KIFC3: variants seen among roughly 807,000 people sequenced by gnomAD.
KIFC3 encodes kinesin family member C3.
Under a neutral mutation model 101.8 loss-of-function variants are expected in KIFC3, and 60 were observed. The ratio of observed to expected loss-of-function variants is 0.59; its 90% CI spans 0.48 to 0.73. The LOEUF (loss-of-function observed/expected upper bound fraction) is 0.73. Ranked by LOEUF, KIFC3 falls within the 30% of genes least tolerant of loss-of-function variation. The pLI, the probability that KIFC3 is intolerant of heterozygous loss-of-function variation, is 0.00. For missense variants in KIFC3, 966 were observed against 1,137.1 expected, an observed-to-expected ratio of 0.85 and a Z score of 2.16; for synonymous variants, 476 against 482.7, an observed-to-expected ratio of 0.99 and a Z score of 0.18.
At chr16:57,773,305 C>T (rs981612109) in intron 3 of KIFC3, among the ~76,000 whole-genome samples, 10 of 152,190 alleles carry the variant, frequency 6.6e-5, no homozygotes, top group Admixed American at 2.0e-4. Context: ...TTACAGGGGA[C>T]AGCCAGGTAA....
intron 9 of KIFC3, among the ~76,000 whole-genome samples, chr16:57,768,043 G>A (rs1454923066): frequency 1.3e-5 from 2 of 152,130 alleles, no homozygotes; most frequent in Admixed American, 6.5e-5. Flanking sequence ...TGCTGGGTAG[G>A]GGCTGGGTGC....
At chr16:57,788,012 G>T (rs59705261) in intron 3 of KIFC3, among the ~76,000 whole-genome samples, 5 of 152,208 alleles carry the variant, frequency 3.3e-5, no homozygotes, top group African/African-American at 1.2e-4. Context: ...AGGGACCCCC[G>T]GCATGGACCC....
intron 1 of KIFC3, among the ~76,000 whole-genome samples, chr16:57,850,143 T>C (rs1338287213): frequency 6.6e-6 from 1 of 152,016 alleles, no homozygotes; most frequent in African/African-American, 2.4e-5. Context: ...CTCATGCCTA[T>C]AATCTTAACA....
intron 3 of KIFC3, among the ~76,000 whole-genome samples, chr16:57,790,054 T>TTTTCTTTCTTTCTTTC (rs1238116970): frequency 1.7e-5 from 2 of 119,034 alleles, no homozygotes; most frequent in African/African-American, 5.9e-5. Context: ...TTTGCTTTCT[T>TTTTCTTTCTTTCTTTC]TTTCTTTCTT....
intron 3 of KIFC3, chr16:57,776,577 G>T: frequency 4.5e-6 from 1 of 222,430 alleles, no homozygotes; most frequent in Non-Finnish European, 7.6e-6. Context: ...AAGCTGTCTC[G>T]AGGATTAAAC....
chr16:57,797,750 T>G (rs1453428907), intron 2 of KIFC3: 2 of 1,258,226 alleles, frequency 1.6e-6, no homozygotes, highest in East Asian at 4.4e-5. Context: ...CCACACGCTC[T>G]TGGCCAAGGA....
intron 1 of KIFC3, among the ~76,000 whole-genome samples, chr16:57,823,446 G>A (rs1555630195): frequency 6.6e-6 from 1 of 152,166 alleles, no homozygotes; most frequent in East Asian, 1.9e-4. Context: ...TCATGGGCAT[G>A]TCCTTAACCT....
chr16:57,800,256 A>G (rs1555625052), intron 1 of KIFC3, among the ~76,000 whole-genome samples: 1 of 152,192 alleles, frequency 6.6e-6, no homozygotes, highest in East Asian at 1.9e-4. Context: ...CTTGACTTAG[A>G]ACAACTAGGA....
Position 57,802,314 on chromosome 16 carries a change from G to T in KIFC3, c.-40+56C>A. 1.1e-6 allele frequency: 1 copy of T among 895,134 alleles called. No individual in the cohort carries two copies. The highest frequency in any genetic ancestry group is 1.3e-6 in the Non-Finnish European group (1 of 748,032). 55.4% of individuals were successfully genotyped at this position (895,134 alleles called of 1,614,324 possible). A position where few individuals can be genotyped will look rare whatever the true frequency, so the allele number is the denominator to read the frequency against. On this transcript the variant is annotated intron_variant, in intron 1 of 19. Coordinates refer to ENST00000445690, the MANE Select transcript of KIFC3 (RefSeq NM_001130100.2). The surrounding 1 kb of genome is among the most constrained non-coding windows in gnomAD (Gnocchi z 5.0). ...CCGGACGCGGCGCCCCAAACGGCGG[G>T]CCGGGCAGAGCCCAGCGCCCCGCTC...
intron 12 of KIFC3, among the ~76,000 whole-genome samples, chr16:57,763,203 G>A (rs964660068): frequency 6.6e-6 from 1 of 152,166 alleles, no homozygotes; most frequent in African/African-American, 2.4e-5. Context: ...TGCCTGGCAC[G>A]ATGCCTGATA....
chr16:57,773,170 C>T (rs963762731), intron 3 of KIFC3, among the ~76,000 whole-genome samples: 8 of 152,226 alleles, frequency 5.3e-5, no homozygotes, highest in Non-Finnish European at 1.2e-4. Context: ...TCTTGCAGAA[C>T]GTCCTGTGGT....
chr16:57,859,135 T>C (rs559455680), intron 1 of KIFC3, among the ~76,000 whole-genome samples: 1 of 152,348 alleles, frequency 6.6e-6, no homozygotes, highest in African/African-American at 2.4e-5. Flanking sequence ...CATAGGACCA[T>C]ATCCACCTCT....
intron 1 of KIFC3, among the ~76,000 whole-genome samples, chr16:57,817,402 G>C (rs532616161): frequency 1.3e-5 from 2 of 151,904 alleles, no homozygotes. Flanking sequence ...AAAGAAAAAG[G>C]ACTGTATTCT....
intron 1 of KIFC3, 182 bp from the exon 2 acceptor site, chr16:57,798,464 C>T (rs193149643): frequency 3.6e-5 from 22 of 618,710 alleles, no homozygotes; most frequent in East Asian, 2.3e-4. Context: ...GGGCCTGCTG[C>T]CTTTTGGGGG....
chr16:57,783,873 G>C (rs1355352138), intron 3 of KIFC3, among the ~76,000 whole-genome samples: 2 of 152,218 alleles, frequency 1.3e-5, no homozygotes, highest in Non-Finnish European at 2.9e-5. Context: ...GCCTTTGCCT[G>C]AGGCCAGACA....
chr16:57,816,032 C>T (rs1033806112), intron 1 of KIFC3, among the ~76,000 whole-genome samples: 1 of 152,222 alleles, frequency 6.6e-6, no homozygotes, highest in Non-Finnish European at 1.5e-5. Context: ...CCCTTTTCCT[C>T]CTGAGGCCTC....
rs572812113 is a variant in KIFC3 at position 57,813,188 on chromosome 16, C to T, written c.109-14906G>A. 3.7e-4 allele frequency among the ~76,000 whole-genome samples: 57 copies of T among 152,030 alleles called. 1 individual carries two copies. The highest frequency in any genetic ancestry group is 6.0e-4 in the African/African-American group (25 of 41,468). ...ACTGAAAATACAAAAATTAGTTGGG[C>T]GTAGTGGTGCACGCCTGTGATCCCA... On this transcript the variant is annotated intron_variant, in intron 1 of 2. Coordinates refer to the KIFC3 transcript ENST00000563028.
At chr16:57,862,652 C>A in intron 1 of KIFC3, 7 of 414,478 alleles carry the variant, frequency 1.7e-5, no homozygotes, top group South Asian at 1.4e-4. Flanking sequence ...AAGATGTTGT[C>A]AGTCCTGCTT....
At chr16:57,759,929 A>C (rs1179173675) in intron 17 of KIFC3, 93 bp from the exon 18 acceptor site, 1 of 929,932 alleles carries the variant, frequency 1.1e-6, no homozygotes, top group South Asian at 1.6e-5. Context: ...CCTGCCTCCT[A>C]ACACCCAGTT....
Sources: allele counts gnomAD v4.1 joint callset (sites outside exome capture counted in the v4.1 genomes callset), GRCh38; gene constraint gnomAD v4.1.1; non-coding constraint Gnocchi (gnomAD v3.1); transcripts MANE v1.5; gene names NCBI Gene and HGNC (gene_info 2026-07-23, HGNC 2026-07-21).